Variants in CEP43 observed in about 807,000 individuals in gnomAD.
CEP43 encodes centrosomal protein 43, also known as FGFR1 oncogene partner.
Under a neutral mutation model 52.6 loss-of-function variants are expected in CEP43, and 36 were observed. That is an observed-to-expected ratio of 0.68 (90% CI 0.52 to 0.90). The LOEUF is 0.90. CEP43 is among the 40% of genes least tolerant of loss of function. The pLI is 0.00. For synonymous variants in CEP43, 192 were observed against 172.4 expected (o/e 1.11, Z -0.89); for missense variants, 506 against 472.8 (o/e 1.07, Z -0.65).
Position 167,046,594 on chromosome 6 carries a change from T to C in CEP43, c.*6616T>C, listed in dbSNP as rs1780803703. 6.6e-6 allele frequency: 1 copy of C among 152,272 alleles called. No homozygotes were observed. Among genetic ancestry groups the C allele is most frequent in the Non-Finnish European group, 1.5e-5 (1 of 68,060 alleles). 9.4% of individuals were successfully genotyped at this position (152,272 alleles called of 1,614,324 possible). On this transcript the variant is annotated 3_prime_UTR_variant, in exon 13 of 13. Transcript: ENST00000366847. ...TTCAACAAGCAGTTGGCTGATTTCTTCTGTCCACTCCACCTGCAGATGCAG... is the reference window on the plus strand; with the variant it reads ...TTCAACAAGCAGTTGGCTGATTTCTCCTGTCCACTCCACCTGCAGATGCAG...
rs886390735 is a variant in CEP43 at position 167,052,532 on chromosome 6, T to C, written c.*12554T>C. 1 of 152,172 alleles carries C rather than the reference T, an allele frequency of 6.6e-6. No individual in the cohort carries two copies. Among genetic ancestry groups the C allele is most frequent in the Non-Finnish European group, 1.5e-5 (1 of 68,024 alleles). The allele number at this position is 152,172 out of a possible 1,614,324, so 9.4% of individuals were successfully genotyped here. ...TGTATCCTGGAGGACATCCCTTGCC[T>C]TTCACCAAGTGACCCTATACTGGCG... On this transcript the variant is annotated 3_prime_UTR_variant, in exon 13 of 13. Coordinates refer to ENST00000366847, the MANE Select transcript of CEP43 (RefSeq NM_007045.4).
rs1780864969 is a variant in CEP43, at chr6:167,051,088, G to C, written c.*11110G>C. ...GTCAGCTTCTGGGTGGGGGCCAGAG[G>C]ACCAGTTGAGCCAAGAATTCAAGAG... On this transcript the variant is annotated 3_prime_UTR_variant, in exon 13 of 13. Transcript: ENST00000366847. 6.6e-6 allele frequency: 1 copy of C among 152,064 alleles called. No homozygotes were observed. The highest frequency in any genetic ancestry group is 2.4e-5 in the African/African-American group (1 of 41,406). The allele number at this position is 152,064 out of a possible 1,614,324, so 9.4% of individuals were successfully genotyped here.
At chr6:167,002,510 T>A (rs758672319) in intron 2 of CEP43, among the ~76,000 whole-genome samples, 1 of 152,190 alleles carries the variant, frequency 6.6e-6, no homozygotes, top group African/African-American at 2.4e-5. Flanking sequence ...CTAGGTCACA[T>A]GCTAGGAATA....
rs372800136 is a variant in CEP43, at chr6:167,003,715, C to G, written c.212-8C>G. On this transcript the variant is annotated splice_polypyrimidine_tract_variant and splice_region_variant and intron_variant, in intron 3 of 12. Transcript: ENST00000366847. ...TTTGCTTACTTACCTTTTTCTTGAT[C>G]TTTATAGGTCGTTTAGTGGCTAGTC... is the stretch of plus-strand genomic sequence containing the variant. 8.9e-5 allele frequency: 141 copies of G among 1,585,996 alleles called. No homozygotes were observed. The highest frequency in any genetic ancestry group is 1.1e-4 in the Non-Finnish European group (133 of 1,158,186).
In CEP43 at chr6:167,040,899, C is replaced by G; in HGVS notation, c.*921C>G. On this transcript the variant is annotated 3_prime_UTR_variant, in exon 13 of 13. Coordinates refer to ENST00000366847, the MANE Select transcript of CEP43 (RefSeq NM_007045.4). Reference sequence around the variant, plus strand: ...ATACTGTACATAATTTCATTGTAACCCTTAAAAATAGAGCCAATAATAGAA... The same window carrying G: ...ATACTGTACATAATTTCATTGTAACGCTTAAAAATAGAGCCAATAATAGAA... 9.8e-7 allele frequency: 1 copy of G among 1,023,694 alleles called. No individual in the cohort carries two copies. Among genetic ancestry groups the G allele is most frequent in the African/African-American group, 1.7e-5 (1 of 58,980 alleles). The allele number at this position is 1,023,694 out of a possible 1,614,324, so 63.4% of individuals were successfully genotyped here.
At chr6:167,029,220 G>T (rs904058132) in intron 10 of CEP43, among the ~76,000 whole-genome samples, 1 of 152,210 alleles carries the variant, frequency 6.6e-6, no homozygotes, top group African/African-American at 2.4e-5. Flanking sequence ...AAGATGACTG[G>T]GGTAAGGGCA....
At chr6:167,033,756 T>G (rs1442804603) in intron 11 of CEP43, 119 bp from the exon 12 acceptor site, 1 of 472,784 alleles carries the variant, frequency 2.1e-6, no homozygotes, top group Non-Finnish European at 3.7e-6. Context: ...AAATTAATTA[T>G]AGTTAATATT....
At position 167,044,494 on chromosome 6, in the gene CEP43, A is replaced by T. The variant is rs1780762099; in HGVS notation, c.*4516A>T. 1.0e-6 allele frequency: 1 copy of T among 985,296 alleles called. No individual in the cohort carries two copies. Among genetic ancestry groups the T allele is most frequent in the Non-Finnish European group, 1.2e-6 (1 of 829,932 alleles). The allele number at this position is 985,296 out of a possible 1,614,324, so 61.0% of individuals were successfully genotyped here. On this transcript the variant is annotated 3_prime_UTR_variant, in exon 13 of 13. Coordinates refer to ENST00000366847, the MANE Select transcript of CEP43 (RefSeq NM_007045.4). ...TTTCCCCGAGGAAGTCAGATTGGAAAAGTGTCCTCAGGTTCAAGGAAACCT... is the reference window on the plus strand; with the variant it reads ...TTTCCCCGAGGAAGTCAGATTGGAATAGTGTCCTCAGGTTCAAGGAAACCT...
chr6:167,044,458 G>T lies in CEP43; in HGVS notation c.*4480G>T. Reference sequence around the variant, plus strand: ...AGGAGACTTGGCCAGAGGACCTCCAGGCTGACAAAGTTTCCCCGAGGAAGT... The same window carrying T: ...AGGAGACTTGGCCAGAGGACCTCCATGCTGACAAAGTTTCCCCGAGGAAGT... On this transcript the variant is annotated 3_prime_UTR_variant, in exon 13 of 13. Transcript: ENST00000366847. 1.0e-6 allele frequency: 1 copy of T among 985,330 alleles called. No individual in the cohort carries two copies. The highest frequency in any genetic ancestry group is 1.2e-6 in the Non-Finnish European group (1 of 829,872). 61.0% of individuals were successfully genotyped at this position (985,330 alleles called of 1,614,324 possible).
chr6:167,016,476 G>C (rs534893490), intron 7 of CEP43, among the ~76,000 whole-genome samples: 15 of 152,338 alleles, frequency 9.8e-5, no homozygotes, highest in Admixed American at 7.2e-4. Flanking sequence ...TGTCCATTCT[G>C]ATCCTCAACT....
chr6:167,002,100 A>G (rs1046582644), intron 2 of CEP43, among the ~76,000 whole-genome samples: 3 of 152,176 alleles, frequency 2.0e-5, no homozygotes, highest in African/African-American at 7.2e-5. Flanking sequence ...TTAATAGTTA[A>G]TTTATGCAGC....
rs12209395 is a variant in CEP43 at position 167,050,426 on chromosome 6, G to A, written c.*10448G>A. On this transcript the variant is annotated 3_prime_UTR_variant, in exon 13 of 13. Coordinates refer to ENST00000366847, the MANE Select transcript of CEP43 (RefSeq NM_007045.4). ...GTTTTTTAGGTCTTGTTATTGTGTC[G>A]TTCACGTCTTTTATTTCCTTGTTGA... 47,599 of 152,114 alleles carry A rather than the reference G, an allele frequency of 0.31. 8,220 individuals carry two copies. Among genetic ancestry groups the A allele is most frequent in the Middle Eastern group, 0.41 (122 of 294 alleles). The allele number at this position is 152,114 out of a possible 1,614,324, so 9.4% of individuals were successfully genotyped here.
chr6:167,003,332 CTT>C, intron 3 of CEP43, 85 bp downstream of exon 3: 3 of 712,484 alleles, frequency 4.2e-6, no homozygotes, highest in Non-Finnish European at 2.3e-6. Context: ...AATTTCAGGG[CTT>C]TTTTTTTGTC....
rs2114854633 is a variant in CEP43 at position 167,042,835 on chromosome 6, T to TGTGTGTGTGTGTGTGTGG, written c.*2861_*2862insGTGTGTGTGTGTGGGTGT. 1 of 153,686 alleles carries TGTGTGTGTGTGTGTGTGG rather than the reference T, an allele frequency of 6.5e-6. No homozygotes were observed. The highest frequency in any genetic ancestry group is 2.4e-5 in the African/African-American group (1 of 41,380). The allele number at this position is 153,686 out of a possible 1,614,324, so 9.5% of individuals were successfully genotyped here. On this transcript the variant is annotated 3_prime_UTR_variant, in exon 13 of 13. Coordinates refer to ENST00000366847, the MANE Select transcript of CEP43 (RefSeq NM_007045.4). ...TATTTTGTGTGTGTGTGTGTGTGTGTGTGTTTAACTATGAGCTCGTGAGAA... is the reference window on the plus strand; with the variant it reads ...TATTTTGTGTGTGTGTGTGTGTGTGTGTGTGTGTGTGTGTGTGGGTGTTTAACTATGAGCTCGTGAGAA...
At chr6:167,033,330 C>T (rs374311736) in intron 11 of CEP43, among the ~76,000 whole-genome samples, 1 of 151,800 alleles carries the variant, frequency 6.6e-6, no homozygotes, top group Non-Finnish European at 1.5e-5. Context: ...AGGCTGGTCT[C>T]GAACTCCTGA....
At chr6:167,000,271 C>G (rs910307689) in intron 2 of CEP43, among the ~76,000 whole-genome samples, 158 bp downstream of exon 2, 1 of 152,110 alleles carries the variant, frequency 6.6e-6, no homozygotes, top group Admixed American at 6.5e-5. Flanking sequence ...CAAAATTATT[C>G]TTTTTTCGTG....
intron 7 of CEP43, among the ~76,000 whole-genome samples, chr6:167,019,234 A>G (rs1780169787): frequency 6.6e-6 from 1 of 152,160 alleles, no homozygotes; most frequent in African/African-American, 2.4e-5. Flanking sequence ...ATCTGTGCAC[A>G]TGCATACACC....
At chr6:167,010,536 G>T (rs1779962228) in intron 5 of CEP43, among the ~76,000 whole-genome samples, 1 of 152,162 alleles carries the variant, frequency 6.6e-6, no homozygotes, top group Non-Finnish European at 1.5e-5. Context: ...GTAAATCCTG[G>T]AATGGTAGAC....
Position 167,032,615 on chromosome 6 carries a change from A to G in CEP43, c.1001A>G (p.Asp334Gly), listed in dbSNP as rs1780493305. 6.3e-7 allele frequency: 1 copy of G among 1,581,672 alleles called. No individual in the cohort carries two copies. Among genetic ancestry groups the G allele is most frequent in the Non-Finnish European group, 8.6e-7 (1 of 1,160,176 alleles). The change falls in exon 11 of 13, where the codon GAT becomes GGT. Residue 334 changes from aspartate to glycine, a missense_variant. Physicochemically the swap from Asp to Gly is moderately conservative, Grantham distance 94. Transcript: ENST00000366847. ...IGSLGLGTGE[D>G]DDYVDDFNST... ...TTAAACTTATCAGGAACTGGAGAAGATGATGACTATGTTGATGATTTTAAT... is the reference window on the plus strand; with the variant it reads ...TTAAACTTATCAGGAACTGGAGAAGGTGATGACTATGTTGATGATTTTAAT...
Sources: allele counts gnomAD v4.1 joint callset (sites outside exome capture counted in the v4.1 genomes callset), GRCh38; gene constraint gnomAD v4.1.1; transcripts MANE v1.5; gene names NCBI Gene and HGNC (gene_info 2026-07-23, HGNC 2026-07-21).